NLRC5: variants seen among roughly 807,000 people sequenced by gnomAD.
The protein encoded by NLRC5 is protein NLRC5.
A neutral mutation model predicts 206.9 loss-of-function variants in NLRC5; 114 were observed. The observed-to-expected ratio is 0.55, with a 90% CI of 0.47 to 0.64. The LOEUF is 0.64. Among genes scored for constraint, NLRC5 ranks in the 30% least tolerant of loss-of-function variants. NLRC5 has a pLI of 0.00. For synonymous variants in NLRC5, 952 were observed against 962.8 expected (o/e 0.99, Z 0.21); for missense variants, 2,008 against 2,305.5 (o/e 0.87, Z 2.64).
intron 4 of NLRC5, 126 bp from the exon 5 acceptor site, chr16:57,023,659 C>G (rs2060923398): frequency 3.0e-6 from 2 of 667,034 alleles, no homozygotes; most frequent in Non-Finnish European, 5.1e-6. Flanking sequence ...CTTTCCAGTC[C>G]CTGCATGTGG....
intron 23 of NLRC5, among the ~76,000 whole-genome samples, chr16:57,049,363 C>T (rs1164548410): frequency 6.6e-6 from 1 of 152,178 alleles, no homozygotes; most frequent in Non-Finnish European, 1.5e-5. Flanking sequence ...TGCACTGGGC[C>T]AGATCCTGGG....
chr16:57,006,459 C>T (rs1338548844), intron 1 of NLRC5, among the ~76,000 whole-genome samples: 1 of 120,558 alleles, frequency 8.3e-6, no homozygotes, highest in Non-Finnish European at 1.6e-5. Context: ...CACTCTGTCG[C>T]CCAGGCTGGG....
chr16:57,066,654 G>A (rs775907850), intron 34 of NLRC5, 40 bp downstream of exon 34: 25 of 1,550,446 alleles, frequency 1.6e-5, no homozygotes, highest in African/African-American at 2.7e-5. Flanking sequence ...AGGGGCTGGT[G>A]TTGGGGAGGG....
chr16:57,034,501 TCATTTTATAGAGGAGGAAGTTAAG>T (rs1302853108), intron 13 of NLRC5: 2 of 462,088 alleles, frequency 4.3e-6, no homozygotes, highest in Non-Finnish European at 7.7e-6. Flanking sequence ...GTTACTGTCC[TCATTTTATAGAGGAGGAAGTTAAG>T]CTGCAGAAAG....
rs2060177888 is a variant in NLRC5, at chr16:57,017,121, T to G, written c.-80T>G. 6.5e-6 allele frequency: 1 copy of G among 152,766 alleles called. No homozygotes were observed. The highest frequency in any genetic ancestry group is 2.4e-5 in the African/African-American group (1 of 41,420). The allele number at this position is 152,766 out of a possible 1,614,324, so 9.5% of individuals were successfully genotyped here. A position where few individuals can be genotyped will look rare whatever the true frequency, so the allele number is the denominator to read the frequency against. On this transcript the variant is annotated 5_prime_UTR_variant, in exon 2 of 49. The change abolishes the stop of an existing upstream ORF in the 5' untranslated region. Coordinates refer to ENST00000688547, the MANE Select transcript of NLRC5 (RefSeq NM_001384950.1). Reference sequence around the variant, plus strand: ...CTGTCAATCCAGCTCAAGGCACACATAGCCCAGACACCCATGAGACCCTCT... The same window carrying G: ...CTGTCAATCCAGCTCAAGGCACACAGAGCCCAGACACCCATGAGACCCTCT...
chr16:57,001,191 G>A lies in NLRC5; in HGVS notation c.-128+11574G>A, dbSNP rs189631831. On this transcript the variant is annotated intron_variant, in intron 1 of 48. Transcript: ENST00000688547. ...CTGTGGCCTCAGGTCCTCCCCCAGG[G>A]TCCCCAGGCCCTGACCTGTCCACCT... 9.2e-5 allele frequency among the ~76,000 whole-genome samples: 14 copies of A among 152,228 alleles called. No homozygotes were observed. The East Asian group carries it at 2.7e-3, about 29-fold the overall frequency.
At chr16:56,993,909 T>C (rs2057275731) in intron 1 of NLRC5, among the ~76,000 whole-genome samples, 1 of 151,870 alleles carries the variant, frequency 6.6e-6, no homozygotes, top group Non-Finnish European at 1.5e-5. Flanking sequence ...TGTTAGATAT[T>C]TATATTGGGT....
intron 1 of NLRC5, among the ~76,000 whole-genome samples, chr16:56,998,194 CTT>C (rs201515449): frequency 1.5e-3 from 209 of 137,574 alleles, no homozygotes; most frequent in Non-Finnish European, 2.0e-3. Flanking sequence ...TCACTGATGT[CTT>C]TTTTTTTTTT....
chr16:56,995,938 G>A lies in NLRC5; in HGVS notation c.-128+6321G>A, dbSNP rs185480356. On this transcript the variant is annotated intron_variant, in intron 1 of 48. Coordinates refer to ENST00000688547, the MANE Select transcript of NLRC5 (RefSeq NM_001384950.1). ...TAGGAGGTATGTGGAGAGGGCATCC[G>A]ATTCCATTGAATCGTAAAGTGACAA... Among the ~76,000 whole-genome samples the A allele has an allele frequency of 1.7e-3, 263 of 152,288 alleles. 2 individuals carry two copies. The highest frequency in any genetic ancestry group is 5.9e-3 in the African/African-American group (245 of 41,564).
Position 57,077,341 on chromosome 16 carries a change from T to A in NLRC5, c.4881T>A (p.Ala1627=), listed in dbSNP as rs770441948. 1.2e-6 allele frequency: 2 copies of A among 1,613,912 alleles called. No individual in the cohort carries two copies. Among genetic ancestry groups the A allele is most frequent in the Non-Finnish European group, 1.7e-6 (2 of 1,179,996 alleles). Reference sequence around the variant, plus strand: ...GAGACGCTGGTGTCCAGCACTTAGCTACCATCCTGCCTGGGCTGCCAGAGC... The same window carrying A: ...GAGACGCTGGTGTCCAGCACTTAGCAACCATCCTGCCTGGGCTGCCAGAGC... The part of the protein sequence containing the change: ...QIGDAGVQHL[A]TILPGLPELR... The change falls in exon 41 of 49, where the codon GCT becomes GCA. Residue 1627 remains alanine, a synonymous_variant. Transcript: ENST00000688547.
intron 32 of NLRC5, among the ~76,000 whole-genome samples, chr16:57,064,508 C>A (rs898821197): frequency 6.6e-6 from 1 of 152,154 alleles, no homozygotes; most frequent in Non-Finnish European, 1.5e-5. Context: ...CTGTTTCTTT[C>A]CACACTTTTT....
At chr16:56,993,665 C>T (rs1403673483) in intron 1 of NLRC5, among the ~76,000 whole-genome samples, 5 of 152,124 alleles carry the variant, frequency 3.3e-5, no homozygotes, top group Non-Finnish European at 5.9e-5. Flanking sequence ...CCTCTTATTA[C>T]GAATGAGTTT....
chr16:57,081,634 G>A, intron 48 of NLRC5, 24 bp downstream of exon 48: 1 of 1,604,906 alleles, frequency 6.2e-7, no homozygotes. Context: ...GCAGGGGCAG[G>A]GATGGTGGGT....
In NLRC5 at chr16:57,043,439, G is replaced by A. The variant is rs116570194; in HGVS notation, c.3114-76G>A. ...ATCTGGAACCAGGGATCCCTCCCCCGCCCTGTGCCCTGACCACAAAGAGGA... is the reference window on the plus strand; with the variant it reads ...ATCTGGAACCAGGGATCCCTCCCCCACCCTGTGCCCTGACCACAAAGAGGA... On this transcript the variant is annotated intron_variant, in intron 19 of 48. Coordinates refer to ENST00000688547, the MANE Select transcript of NLRC5 (RefSeq NM_001384950.1). 1.6e-3 allele frequency: 1,245 copies of A among 796,296 alleles called. 14 individuals carry two copies. The African/African-American group carries it at 0.019, about 12-fold the overall frequency. 49.3% of individuals were successfully genotyped at this position (796,296 alleles called of 1,614,324 possible).
rs1421693507 is a variant in NLRC5 at position 57,061,460 on chromosome 16, C to A, written c.3999C>A (p.Cys1333Ter). ...QAGKTLRLSECSFRPEHVSRL... is the reference protein window; with the variant it reads ...QAGKTLRLSE ...TTTCTGCCCTCAGGCTAAGTGAGTG[C>A]AGCTTCCGGCCAGAGCACGTGTCCA... Residue 1333 changes from cysteine (C) to a stop codon, truncating the protein, a stop_gained, in exon 31 of 49, where the codon TGC becomes TGA. Coordinates refer to ENST00000688547, the MANE Select transcript of NLRC5 (RefSeq NM_001384950.1). LOFTEE classifies it high-confidence loss of function. 1 of 1,611,360 alleles carries A rather than the reference C, an allele frequency of 6.2e-7. No individual in the cohort carries two copies.
intron 3 of NLRC5, among the ~76,000 whole-genome samples, chr16:57,021,972 T>G (rs1198451890): frequency 1.3e-5 from 2 of 152,232 alleles, no homozygotes; most frequent in African/African-American, 4.8e-5. Context: ...CGTAAACCCA[T>G]GTACACATGC....
chr16:57,003,531 C>T (rs1232223559), intron 1 of NLRC5, among the ~76,000 whole-genome samples: 1 of 152,156 alleles, frequency 6.6e-6, no homozygotes, highest in Non-Finnish European at 1.5e-5. Context: ...ATCCTTCTTC[C>T]GGGGTCGCCT....
intron 24 of NLRC5, chr16:57,052,969 G>A (rs59736159): frequency 0.15 from 23,164 of 152,230 alleles, 1,822 homozygotes; most frequent in African/African-American, 0.19. Flanking sequence ...CCTTGCCAGG[G>A]TTTAAACTTT....
Position 57,029,694 on chromosome 16 carries a change from C to T in NLRC5, c.2244-79C>T, listed in dbSNP as rs2061593944. 24 of 1,181,742 alleles carry T rather than the reference C, an allele frequency of 2.0e-5. No individual in the cohort carries two copies. In the South Asian group the frequency reaches 2.9e-4, roughly 14 times the overall value. The allele number at this position is 1,181,742 out of a possible 1,614,324, so 73.2% of individuals were successfully genotyped here. Reference sequence around the variant, plus strand: ...TCTTATGTCTCCCACATGAGGGTGGCCATCCTGTCACTTGCTAACTGGGGC... The same window carrying T: ...TCTTATGTCTCCCACATGAGGGTGGTCATCCTGTCACTTGCTAACTGGGGC... On this transcript the variant is annotated intron_variant, in intron 8 of 48. Coordinates refer to ENST00000688547, the MANE Select transcript of NLRC5 (RefSeq NM_001384950.1).
Sources: gnomAD v4.1 joint callset for allele counts (sites outside exome capture counted in the v4.1 genomes callset) on GRCh38, gnomAD v4.1.1 for gene constraint, MANE v1.5 for transcripts, NCBI Gene and HGNC (gene_info 2026-07-23, HGNC 2026-07-21) for gene names.